Variants in CNTN5 observed in about 807,000 individuals in gnomAD.
The protein encoded by CNTN5 is contactin 5.
A neutral mutation model predicts 129.1 loss-of-function variants in CNTN5; 77 were observed. The observed-to-expected ratio is 0.60, with a 90% CI of 0.50 to 0.72. The LOEUF is 0.72. Among genes scored for constraint, CNTN5 ranks in the 30% least tolerant of loss-of-function variants. The probability of loss-of-function intolerance (pLI) is 0.00; values close to 1 mark genes in which losing one functional copy is unlikely to be tolerated. For missense variants in CNTN5, 1,478 were observed against 1,328.8 expected (o/e 1.11, Z -1.75); for synonymous variants, 509 against 465.6 (o/e 1.09, Z -1.20).
intron 6 of CNTN5, among the ~76,000 whole-genome samples, chr11:99,894,701 T>A (rs113123879): frequency 2.6e-5 from 4 of 152,260 alleles, no homozygotes; most frequent in African/African-American, 9.6e-5. Context: ...TGGAAAGTTT[T>A]TTCACCTTAC....
intron 1 of CNTN5, among the ~76,000 whole-genome samples, chr11:99,129,090 G>C (rs1276831889): frequency 1.3e-5 from 2 of 152,192 alleles, no homozygotes; most frequent in African/African-American, 4.8e-5. Flanking sequence ...ACAGAACGGG[G>C]ATGAAGTTGA....
chr11:99,860,240 T>C lies in CNTN5; in HGVS notation c.577+14978T>C, dbSNP rs1311816629. ...TGTCTGAGGTGTAGTATACAGATAT[T>C]TTCTCTGACTCTGTAGGTTTTCTAC... On this transcript the variant is annotated intron_variant, in intron 6 of 24. Transcript: ENST00000524871. 6.6e-5 allele frequency among the ~76,000 whole-genome samples: 10 copies of C among 152,188 alleles called. No individual in the cohort carries two copies. In the East Asian group the frequency reaches 1.9e-3, roughly 29 times the overall value.
At chr11:99,317,543 A>G (rs1458368424) in intron 1 of CNTN5, among the ~76,000 whole-genome samples, 1 of 151,866 alleles carries the variant, frequency 6.6e-6, no homozygotes, top group Admixed American at 6.6e-5. Context: ...GAACCTTTCC[A>G]GTCTGTCTTG....
chr11:99,212,672 T>A (rs1436122903), intron 1 of CNTN5, among the ~76,000 whole-genome samples: 2 of 152,110 alleles, frequency 1.3e-5, no homozygotes, highest in Non-Finnish European at 2.9e-5. Context: ...TTTTAAAAAA[T>A]ATTTTATGTT....
chr11:99,985,758 C>G (rs932232345), intron 8 of CNTN5, among the ~76,000 whole-genome samples: 10 of 152,148 alleles, frequency 6.6e-5, no homozygotes, highest in African/African-American at 9.7e-5. Context: ...CCATTGTAAT[C>G]ATCCGTCTTT....
At chr11:99,309,725 C>T (rs1026325633) in intron 1 of CNTN5, among the ~76,000 whole-genome samples, 1 of 152,196 alleles carries the variant, frequency 6.6e-6, no homozygotes, top group Non-Finnish European at 1.5e-5. Context: ...TTATGCATCT[C>T]AACTCCAAAA....
At chr11:99,316,059 A>G (rs1211873879) in intron 1 of CNTN5, among the ~76,000 whole-genome samples, 5 of 151,854 alleles carry the variant, frequency 3.3e-5, no homozygotes, top group Non-Finnish European at 7.4e-5. Context: ...TAAAGGTGGC[A>G]TACTTTTTGT....
At chr11:99,447,693 G>A (rs534580606) in intron 2 of CNTN5, among the ~76,000 whole-genome samples, 4 of 152,270 alleles carry the variant, frequency 2.6e-5, no homozygotes, top group South Asian at 2.1e-4. Context: ...TTGGTAGGCC[G>A]AGGTGGGCAG....
At chr11:99,324,101 T>A (rs1344468054) in intron 1 of CNTN5, among the ~76,000 whole-genome samples, 1 of 152,222 alleles carries the variant, frequency 6.6e-6, no homozygotes, top group East Asian at 1.9e-4. Flanking sequence ...TCACTACTTT[T>A]GTTTAACAAA....
chr11:99,647,043 ATTTG>A (rs71463585), intron 3 of CNTN5, among the ~76,000 whole-genome samples: 32,962 of 151,564 alleles, frequency 0.22, 3,928 homozygotes, highest in East Asian at 0.41. Context: ...CATTAACCCC[ATTTG>A]TTTGTTTCTG....
At chr11:99,547,314 T>C (rs1948332312) in intron 2 of CNTN5, among the ~76,000 whole-genome samples, 1 of 152,178 alleles carries the variant, frequency 6.6e-6, no homozygotes, top group Non-Finnish European at 1.5e-5. Context: ...GAAAATTATT[T>C]TCATTAGCTG....
chr11:100,316,054 A>C (rs1328566720), intron 21 of CNTN5, among the ~76,000 whole-genome samples: 1 of 152,194 alleles, frequency 6.6e-6, no homozygotes, highest in Non-Finnish European at 1.5e-5. Context: ...ACCAGCATTA[A>C]GTGTCCTGTG....
At chr11:99,369,577 A>G (rs922499836) in intron 2 of CNTN5, among the ~76,000 whole-genome samples, 1 of 152,044 alleles carries the variant, frequency 6.6e-6, no homozygotes, top group African/African-American at 2.4e-5. Context: ...TATAAATATA[A>G]AAATAGATTT....
intron 8 of CNTN5, among the ~76,000 whole-genome samples, chr11:99,969,385 A>G (rs11222095): frequency 0.056 from 8,590 of 152,262 alleles, 274 homozygotes; most frequent in Non-Finnish European, 0.076. Flanking sequence ...CATGAAAGAA[A>G]GGAATGTGAA....
intron 2 of CNTN5, among the ~76,000 whole-genome samples, chr11:99,331,338 G>A (rs1211214269): frequency 3.9e-4 from 60 of 151,988 alleles, no homozygotes; most frequent in Non-Finnish European, 2.9e-5. Flanking sequence ...ATTAAAATAA[G>A]ATCTCTCAGA....
chr11:100,023,610 A>C (rs1941273983), intron 9 of CNTN5, among the ~76,000 whole-genome samples: 1 of 152,212 alleles, frequency 6.6e-6, no homozygotes, highest in Admixed American at 6.5e-5. Context: ...CCATTACAGT[A>C]TCATACAGAG....
intron 15 of CNTN5, among the ~76,000 whole-genome samples, chr11:100,221,605 C>G (rs545745273): frequency 1.3e-3 from 194 of 152,284 alleles, no homozygotes; most frequent in Non-Finnish European, 2.4e-3. Context: ...ACCCCTGTTG[C>G]TGCTCTAACA....
chr11:99,709,569 A>G (rs1954887866), intron 3 of CNTN5, among the ~76,000 whole-genome samples: 2 of 151,886 alleles, frequency 1.3e-5, no homozygotes, highest in Admixed American at 1.3e-4. Flanking sequence ...CCTCACCAGA[A>G]CAACAGATAT....
chr11:99,283,945 G>T (rs1863813584), intron 1 of CNTN5, among the ~76,000 whole-genome samples: 1 of 152,122 alleles, frequency 6.6e-6, no homozygotes, highest in African/African-American at 2.4e-5. Flanking sequence ...TTGCAAGACT[G>T]CTTTGGACAT....
Sources: gnomAD v4.1 joint callset for allele counts (sites outside exome capture counted in the v4.1 genomes callset) on GRCh38, gnomAD v4.1.1 for gene constraint, MANE v1.5 for transcripts, NCBI Gene and HGNC (gene_info 2026-07-23, HGNC 2026-07-21) for gene names.